The following RBFOX1 variants were observed in gnomAD, a reference collection of about 807,000 sequenced individuals.
RBFOX1 encodes RNA binding fox-1 homolog 1.
A neutral mutation model predicts 57.7 loss-of-function variants in RBFOX1; 8 were observed. The observed-to-expected ratio is 0.14, with a 90% CI of 0.08 to 0.25. The LOEUF (loss-of-function observed/expected upper bound fraction) is 0.25. Among genes scored for constraint, RBFOX1 ranks in the 10% least tolerant of loss-of-function variants. The pLI, the probability that RBFOX1 is intolerant of heterozygous loss-of-function variation, is 1.00. For missense variants in RBFOX1, 611 were observed against 548.5 expected, an observed-to-expected ratio of 1.11 and a Z score of -1.14; for synonymous variants, 326 against 222.4, an observed-to-expected ratio of 1.47 and a Z score of -4.15.
chr16:6,344,590 C>T (rs1441153183), intron 2 of RBFOX1, among the ~76,000 whole-genome samples: 10 of 149,886 alleles, frequency 6.7e-5, no homozygotes, highest in Non-Finnish European at 1.3e-4. Context: ...GTAGAGACGG[C>T]GTTTCAGCGT....
chr16:5,391,807 C>G (rs577613799), intron 1 of RBFOX1, among the ~76,000 whole-genome samples: 2 of 151,130 alleles, frequency 1.3e-5, no homozygotes, highest in African/African-American at 4.9e-5. Flanking sequence ...GATAAAGAAA[C>G]TATGGTGTGT....
At chr16:7,113,845 A>G (rs1040553620) in intron 4 of RBFOX1, among the ~76,000 whole-genome samples, 1 of 152,050 alleles carries the variant, frequency 6.6e-6, no homozygotes, top group Non-Finnish European at 1.5e-5. Context: ...CCCACTACCA[A>G]GTTTTCACAG....
intron 3 of RBFOX1, among the ~76,000 whole-genome samples, chr16:6,733,141 T>G (rs559427385): frequency 6.6e-6 from 1 of 152,146 alleles, no homozygotes; most frequent in Non-Finnish European, 1.5e-5. Flanking sequence ...AATATCAAAA[T>G]GTGAATAATG....
chr16:7,601,496 T>A (rs2095021655), intron 9 of RBFOX1, among the ~76,000 whole-genome samples: 1 of 152,188 alleles, frequency 6.6e-6, no homozygotes, highest in Non-Finnish European at 1.5e-5. Context: ...GATCAATTCT[T>A]CAGATGCTAA....
At chr16:6,224,182 A>T (rs1185218503) in intron 1 of RBFOX1, among the ~76,000 whole-genome samples, 1 of 150,936 alleles carries the variant, frequency 6.6e-6, no homozygotes, top group Non-Finnish European at 1.5e-5. Flanking sequence ...CTTGGTGATG[A>T]GGGCTCTTTT....
intron 2 of RBFOX1, among the ~76,000 whole-genome samples, chr16:5,544,898 A>G (rs1298793638): frequency 6.8e-6 from 1 of 147,512 alleles, no homozygotes; most frequent in African/African-American, 2.5e-5. Context: ...ATTTGTAGTT[A>G]AAAACTTTCC....
intron 2 of RBFOX1, among the ~76,000 whole-genome samples, chr16:6,557,126 C>CAT (rs1555549064): frequency 7.2e-6 from 1 of 139,516 alleles, no homozygotes; most frequent in Admixed American, 7.3e-5. Flanking sequence ...TATATACATA[C>CAT]ATATACATAT....
At chr16:7,508,189 G>A (rs372384206) in intron 4 of RBFOX1, among the ~76,000 whole-genome samples, 31 of 150,706 alleles carry the variant, frequency 2.1e-4, no homozygotes, top group African/African-American at 7.5e-4. Flanking sequence ...GTTTTAGCAG[G>A]TTGGCCTCAA....
At chr16:7,228,153 C>A (rs1022371514) in intron 4 of RBFOX1, among the ~76,000 whole-genome samples, 1 of 152,048 alleles carries the variant, frequency 6.6e-6, no homozygotes, top group African/African-American at 2.4e-5. Flanking sequence ...CTGTAAGTTC[C>A]GCGAGAGCAG....
intron 2 of RBFOX1, among the ~76,000 whole-genome samples, chr16:6,573,587 T>C (rs759349303): frequency 5.3e-5 from 8 of 152,190 alleles, no homozygotes; most frequent in Non-Finnish European, 1.0e-4. Context: ...AGTGCGATTT[T>C]GAAAGGAAGC....
At chr16:5,528,774 C>T (rs1402141920) in intron 2 of RBFOX1, among the ~76,000 whole-genome samples, 5 of 151,768 alleles carry the variant, frequency 3.3e-5, no homozygotes, top group Admixed American at 6.6e-5. Flanking sequence ...CTCAGCCTCC[C>T]GAGTAGCTGG....
intron 2 of RBFOX1, among the ~76,000 whole-genome samples, chr16:6,506,040 G>C (rs1044678714): frequency 8.3e-4 from 127 of 152,290 alleles, no homozygotes; most frequent in African/African-American, 3.0e-3. Context: ...CTAAAGGAAA[G>C]ATTCCTGATT....
At chr16:5,795,756 C>G (rs1287245173) in intron 3 of RBFOX1, among the ~76,000 whole-genome samples, 2 of 152,220 alleles carry the variant, frequency 1.3e-5, no homozygotes, top group Non-Finnish European at 2.9e-5. Context: ...TCCCTCCTAA[C>G]TTTTGACTTT....
chr16:7,694,490 C>T (rs919165727), intron 14 of RBFOX1, among the ~76,000 whole-genome samples: 1 of 152,168 alleles, frequency 6.6e-6, no homozygotes, highest in Non-Finnish European at 1.5e-5. Flanking sequence ...ACCTTCATAA[C>T]GGGTTAAAGT....
At chr16:5,568,661 G>A (rs1410429590) in intron 2 of RBFOX1, among the ~76,000 whole-genome samples, 1 of 152,132 alleles carries the variant, frequency 6.6e-6, no homozygotes, top group East Asian at 1.9e-4. Flanking sequence ...GCAGTTCCTT[G>A]TCCACCTATG....
At chr16:7,405,555 C>T (rs1050806531) in intron 4 of RBFOX1, among the ~76,000 whole-genome samples, 5 of 152,162 alleles carry the variant, frequency 3.3e-5, no homozygotes, top group Admixed American at 6.5e-5. Flanking sequence ...ATATGCCTCC[C>T]GTGTGCGCCT....
chr16:6,149,310 A>C (rs1169394574), intron 1 of RBFOX1, among the ~76,000 whole-genome samples: 1 of 152,204 alleles, frequency 6.6e-6, no homozygotes, highest in Non-Finnish European at 1.5e-5. Flanking sequence ...TGTTCCCTTT[A>C]CCAGATGTGT....
intron 1 of RBFOX1, among the ~76,000 whole-genome samples, chr16:6,310,410 C>G (rs1275476054): frequency 6.6e-6 from 1 of 152,156 alleles, no homozygotes; most frequent in Non-Finnish European, 1.5e-5. Context: ...CACAGTAAAA[C>G]TTTGTTTATT....
At chr16:6,750,118 A>T (rs1413191489) in intron 3 of RBFOX1, among the ~76,000 whole-genome samples, 1 of 152,200 alleles carries the variant, frequency 6.6e-6, no homozygotes, top group Non-Finnish European at 1.5e-5. Context: ...TTACTGTCAG[A>T]ACTGCAGCTG....
Sources: gnomAD v4.1 joint callset for allele counts (sites outside exome capture counted in the v4.1 genomes callset) on GRCh38, gnomAD v4.1.1 for gene constraint, MANE v1.5 for transcripts, NCBI Gene and HGNC (gene_info 2026-07-23, HGNC 2026-07-21) for gene names.